PCDHGA5: variants seen among roughly 807,000 people sequenced by gnomAD.
PCDHGA5 encodes the protein protocadherin gamma-A5.
PCDHGA5 carries 36 observed loss-of-function variants against 56.7 expected under a neutral mutation model. The ratio of observed to expected loss-of-function variants is 0.64; its 90% CI spans 0.49 to 0.84. PCDHGA5 has a LOEUF of 0.84. Ranked by LOEUF, PCDHGA5 falls within the 40% of genes least tolerant of loss-of-function variation. PCDHGA5 has a pLI of 0.00. For synonymous variants in PCDHGA5, 563 were observed against 520.2 expected, an observed-to-expected ratio of 1.08 and a Z score of -1.12; for missense variants, 1,305 against 1,201.5, an observed-to-expected ratio of 1.09 and a Z score of -1.27.
chr5:141,445,361 G>A (rs2098464750), intron 1 of PCDHGA5, among the ~76,000 whole-genome samples: 2 of 152,138 alleles, frequency 1.3e-5, no homozygotes, highest in African/African-American at 4.8e-5. Context: ...GCCCAAGTCT[G>A]GTCCTGGGTG....
At chr5:141,382,689 T>C in intron 1 of PCDHGA5, 3 of 445,878 alleles carry the variant, frequency 6.7e-6, no homozygotes, top group African/African-American at 2.0e-5. Flanking sequence ...CAGGGAAAAA[T>C]GGTGCGAGAG....
chr5:141,433,017 A>G, intron 1 of PCDHGA5: 2 of 1,614,124 alleles, frequency 1.2e-6, no homozygotes, highest in Non-Finnish European at 8.5e-7. Context: ...CTGCAGACCT[A>G]TTCCCACGAG....
At chr5:141,375,585 T>C (rs765334095) in intron 1 of PCDHGA5, 7 of 1,614,014 alleles carry the variant, frequency 4.3e-6, no homozygotes, top group African/African-American at 1.3e-5. Context: ...GGGGCGCCCC[T>C]GTCCTCCTAC....
chr5:141,389,777 C>G (rs771585855), intron 1 of PCDHGA5: 68 of 1,613,174 alleles, frequency 4.2e-5, no homozygotes, highest in Non-Finnish European at 5.7e-5. Context: ...GTGCCTTAGG[C>G]GACAGGGACG....
intron 1 of PCDHGA5, chr5:141,400,274 G>C: frequency 6.2e-7 from 1 of 1,614,032 alleles, no homozygotes; most frequent in Non-Finnish European, 8.5e-7. Flanking sequence ...CGCTCCTCCA[G>C]CCCTGCCGCC....
intron 1 of PCDHGA5, among the ~76,000 whole-genome samples, chr5:141,433,789 A>G (rs1388423731): frequency 6.7e-6 from 1 of 148,972 alleles, no homozygotes; most frequent in Non-Finnish European, 1.5e-5. Flanking sequence ...ATGAGCTGAG[A>G]TTGTGCCATT....
rs1335023784 is a variant in PCDHGA5 at position 141,490,877 on chromosome 5, C to CCAA, written c.2422-3927_2422-3925dup. 2.5e-6 allele frequency: 4 copies of CCAA among 1,613,762 alleles called. No homozygotes were observed. Among genetic ancestry groups the CCAA allele is most frequent in the Non-Finnish European group, 3.4e-6 (4 of 1,179,908 alleles). On this transcript the variant is annotated intron_variant, in intron 1 of 3. Transcript: ENST00000518069. This position sits in a 1 kb window ranked among gnomAD's most constrained non-coding sequence, Gnocchi z 5.4. ...GACTCCGGCTCTCCCCCATTGCATG[C>CCAA]CAACACATCTCTGCATGTGTTTGTC...
intron 3 of PCDHGA5, 110 bp downstream of exon 3, chr5:141,505,591 G>T: frequency 6.4e-7 from 1 of 1,570,280 alleles, no homozygotes; most frequent in Non-Finnish European, 8.7e-7. Flanking sequence ...AGTTTCTCCA[G>T]ATCTTTCGGC....
intron 1 of PCDHGA5, among the ~76,000 whole-genome samples, chr5:141,435,539 C>T (rs75717921): frequency 1.3e-5 from 2 of 152,226 alleles, no homozygotes; most frequent in South Asian, 4.1e-4. Flanking sequence ...TCAGAATTAA[C>T]AAAATGTGTT....
At chr5:141,494,445 A>G (rs1424475551) in intron 1 of PCDHGA5, among the ~76,000 whole-genome samples, 1 of 152,158 alleles carries the variant, frequency 6.6e-6, no homozygotes, top group East Asian at 1.9e-4. Flanking sequence ...TTGCCACTTT[A>G]GGGGGCTTTG....
intron 1 of PCDHGA5, chr5:141,389,864 G>A: frequency 6.2e-7 from 1 of 1,614,058 alleles, no homozygotes; most frequent in Non-Finnish European, 8.5e-7. Flanking sequence ...CGTTGCACCT[G>A]GTCTTCGCCG....
At chr5:141,495,810 C>A (rs1003475681) in intron 2 of PCDHGA5, among the ~76,000 whole-genome samples, 2 of 152,088 alleles carry the variant, frequency 1.3e-5, no homozygotes, top group African/African-American at 4.8e-5. Flanking sequence ...CGTTTCCTAG[C>A]GCCTTGTGTT....
At chr5:141,375,806 G>C (rs1223554303) in intron 1 of PCDHGA5, 1 of 1,614,088 alleles carries the variant, frequency 6.2e-7, no homozygotes, top group African/African-American at 1.3e-5. Context: ...TTCCACTGGC[G>C]TGGAGCTGGC....
At chr5:141,473,343 T>G (rs1309426537) in intron 1 of PCDHGA5, among the ~76,000 whole-genome samples, 1 of 152,218 alleles carries the variant, frequency 6.6e-6, no homozygotes, top group African/African-American at 2.4e-5. Context: ...TGCTAGACAG[T>G]GAGGATGCAA....
At chr5:141,502,862 CTGTCT>C (rs2099816366) in intron 2 of PCDHGA5, among the ~76,000 whole-genome samples, 2 of 68,560 alleles carry the variant, frequency 2.9e-5, no homozygotes, top group Admixed American at 3.3e-4. Flanking sequence ...CCCTGACTCT[CTGTCT>C]TTTTTTTTTT....
chr5:141,392,568 T>A (rs2092555063), intron 1 of PCDHGA5: 4 of 442,486 alleles, frequency 9.0e-6, no homozygotes, highest in Non-Finnish European at 1.2e-5. Context: ...CAGTAACTAT[T>A]TAGGACTGTA....
intron 1 of PCDHGA5, among the ~76,000 whole-genome samples, chr5:141,468,759 G>A (rs1202810666): frequency 3.9e-5 from 6 of 151,990 alleles, no homozygotes; most frequent in Admixed American, 2.0e-4. Context: ...CCAGCTACTC[G>A]GGAGGCTGAG....
intron 1 of PCDHGA5, chr5:141,400,251 C>T (rs2093990443): frequency 6.2e-7 from 1 of 1,614,014 alleles, no homozygotes; most frequent in Non-Finnish European, 8.5e-7. Flanking sequence ...TGGCCGTTGC[C>T]TTGCGCCTGC....
rs992096722 is a variant in PCDHGA5, at chr5:141,413,506, A to G, written c.2421+46755A>G. 3 of 1,613,910 alleles carry G rather than the reference A, an allele frequency of 1.9e-6. No individual in the cohort carries two copies. The highest frequency in any genetic ancestry group is 2.7e-5 in the African/African-American group (2 of 74,954). On this transcript the variant is annotated intron_variant, in intron 1 of 3. Coordinates refer to ENST00000518069, the MANE Select transcript of PCDHGA5 (RefSeq NM_018918.3). ...GAGCGCGCGGTGCGTGGTGAGTTTT[A>G]ATATCCTTGTGGAAGACAGGGTGAA... is the stretch of plus-strand genomic sequence containing the variant.
Sources: allele counts gnomAD v4.1 joint callset (sites outside exome capture counted in the v4.1 genomes callset), GRCh38; gene constraint gnomAD v4.1.1; non-coding constraint Gnocchi (gnomAD v3.1); transcripts MANE v1.5; gene names NCBI Gene and HGNC (gene_info 2026-07-23, HGNC 2026-07-21).